SCYL2: variants seen among roughly 807,000 people sequenced by gnomAD.
SCYL2 encodes the protein SCY1 like pseudokinase 2.
In SCYL2, 36 loss-of-function variants were observed where a neutral mutation model predicts 100.4. The ratio of observed to expected loss-of-function variants is 0.36; its 90% CI spans 0.27 to 0.47. The LOEUF (loss-of-function observed/expected upper bound fraction) is 0.47, where lower values mean the gene tolerates loss of function less well. Ranked by LOEUF, SCYL2 falls within the 20% of genes least tolerant of loss-of-function variation. The pLI is 1.00. For missense variants in SCYL2, 902 were observed against 1,083.9 expected (o/e 0.83, Z 2.36); for synonymous variants, 330 against 359.2 (o/e 0.92, Z 0.92).
chr12:100,337,308 T>C (rs879628421), intron 16 of SCYL2, 79 bp from the exon 17 acceptor site: 16 of 1,567,348 alleles, frequency 1.0e-5, no homozygotes, highest in Non-Finnish European at 1.2e-5. Context: ...AGATGTACTT[T>C]ACCCGAAGAG....
intron 4 of SCYL2, among the ~76,000 whole-genome samples, chr12:100,299,489 C>T (rs1371666298): frequency 3.3e-5 from 5 of 152,308 alleles, no homozygotes; most frequent in Admixed American, 2.0e-4. Flanking sequence ...AGAGCTTCCT[C>T]ATACTCCTTG....
At chr12:100,305,788 GAA>G (rs1312657015) in intron 4 of SCYL2, among the ~76,000 whole-genome samples, 1 of 142,362 alleles carries the variant, frequency 7.0e-6, no homozygotes, top group Non-Finnish European at 1.5e-5. Flanking sequence ...AGAAAAGAGA[GAA>G]TAATCAGACA....
Position 100,306,984 on chromosome 12 carries a change from GA to G in SCYL2, c.481-4057del, listed in dbSNP as rs2096335270. 5.3e-5 allele frequency among the ~76,000 whole-genome samples: 8 copies of G among 152,128 alleles called. No homozygotes were observed. In the South Asian group the frequency reaches 1.7e-3, roughly 32 times the overall value. On this transcript the variant is annotated intron_variant, in intron 4 of 17. Transcript: ENST00000360820. ...GGAGAACTACAAACCACTCCTGAAGGAAATAAGAGAGGACACAAACAAATGG... is the reference window on the plus strand; with the variant it reads ...GGAGAACTACAAACCACTCCTGAAGGAATAAGAGAGGACACAAACAAATGG...
intron 2 of SCYL2, 143 bp downstream of exon 2, chr12:100,283,290 T>G (rs1284252937): frequency 3.6e-5 from 23 of 644,412 alleles, no homozygotes; most frequent in East Asian, 2.6e-4. Context: ...TTTATCTTAT[T>G]AAGTCATACA....
chr12:100,300,275 T>C (rs1805053126), intron 4 of SCYL2, among the ~76,000 whole-genome samples: 1 of 152,204 alleles, frequency 6.6e-6, no homozygotes. Flanking sequence ...TTTCTCCCAA[T>C]CTGGCTTATC....
intron 3 of SCYL2, among the ~76,000 whole-genome samples, chr12:100,295,027 G>A (rs1406264069): frequency 4.6e-5 from 7 of 151,262 alleles, no homozygotes; most frequent in African/African-American, 1.7e-4. Flanking sequence ...ACGGGGTCGC[G>A]GCCGGGCAGA....
At chr12:100,332,125 T>A (rs779622566) in intron 13 of SCYL2, among the ~76,000 whole-genome samples, 5 of 152,194 alleles carry the variant, frequency 3.3e-5, no homozygotes, top group African/African-American at 7.2e-5. Flanking sequence ...TAGAGTCTTT[T>A]CCCAGTGAAA....
Position 100,323,508 on chromosome 12 carries a change from G to C in SCYL2, c.1396-17G>C, listed in dbSNP as rs753266613. 2.2e-6 allele frequency: 3 copies of C among 1,395,046 alleles called. No homozygotes were observed. In the South Asian group the frequency reaches 3.6e-5, roughly 17 times the overall value. 86.4% of individuals were successfully genotyped at this position (1,395,046 alleles called of 1,614,324 possible). On this transcript the variant is annotated splice_polypyrimidine_tract_variant and intron_variant, in intron 10 of 17. Coordinates refer to ENST00000360820, the MANE Select transcript of SCYL2 (RefSeq NM_017988.6). ...TGAGTCTTTCCCTAATATTGATTCA[G>C]TTTATTTTCTTTATAGGAGCTCTGT...
At position 100,339,022 on chromosome 12, in the gene SCYL2, A is replaced by G. The variant is rs1457926372; in HGVS notation, c.2640A>G (p.Ser880=). ...PPQGSPTMGS[S]VMGTQMNVIG... ...AAGGTTCTCCAACTATGGGCAGTTC[A>G]GTAATGGGGACACAGATGAACGTGA... Residue 880 remains serine (S), a synonymous_variant, in exon 18 of 18, where the codon TCA becomes TCG. Coordinates refer to ENST00000360820, the MANE Select transcript of SCYL2 (RefSeq NM_017988.6). The G allele has an allele frequency of 2.5e-6, 4 of 1,614,190 alleles. No individual in the cohort carries two copies. The South Asian group carries it at 4.4e-5, about 18-fold the overall frequency.
intron 3 of SCYL2, among the ~76,000 whole-genome samples, chr12:100,294,431 G>A (rs2096315217): frequency 8.6e-6 from 1 of 116,464 alleles, no homozygotes. Flanking sequence ...CGGGCGGGGG[G>A]GCTCCTCACT....
At chr12:100,283,197 C>G (rs1364154633) in intron 2 of SCYL2, 50 bp downstream of exon 2, 3 of 1,444,892 alleles carry the variant, frequency 2.1e-6, no homozygotes. Flanking sequence ...TGCTAAGAAC[C>G]ATAAAATGCA....
intron 13 of SCYL2, among the ~76,000 whole-genome samples, chr12:100,332,181 A>G (rs1216569499): frequency 6.6e-6 from 1 of 152,188 alleles, no homozygotes; most frequent in Non-Finnish European, 1.5e-5. Flanking sequence ...TACATGTGAA[A>G]TGTTGCCAAC....
intron 3 of SCYL2, among the ~76,000 whole-genome samples, chr12:100,294,228 C>T (rs568413095): frequency 1.2e-4 from 18 of 144,654 alleles, no homozygotes; most frequent in African/African-American, 4.6e-4. Context: ...ACCTCCCTCC[C>T]GGATGGGGTG....
chr12:100,278,751 T>G (rs1004574838), intron 1 of SCYL2, among the ~76,000 whole-genome samples: 1 of 151,370 alleles, frequency 6.6e-6, no homozygotes, highest in Admixed American at 6.6e-5. Flanking sequence ...TGCCTCAGCC[T>G]CCTGAGTAGC....
Position 100,312,501 on chromosome 12 carries a change from G to C in SCYL2, c.700G>C (p.Ala234Pro). The part of the protein sequence containing the change: ...SLCLPNPEYL[A>P]PEYILSVSCE... ...GTGTCTTCCAAATCCTGAATATTTGGCTCCTGAATACATACTTTCTGTGAG... is the reference window on the plus strand; with the variant it reads ...GTGTCTTCCAAATCCTGAATATTTGCCTCCTGAATACATACTTTCTGTGAG... The change falls in exon 6 of 18, where the codon GCT (alanine) becomes CCT (proline). Residue 234 changes from alanine to proline, a missense_variant. By Grantham distance (27) the Ala-to-Pro change is conservative. Transcript: ENST00000360820. 2 of 1,613,716 alleles carry C rather than the reference G, an allele frequency of 1.2e-6. No individual in the cohort carries two copies. Among genetic ancestry groups the C allele is most frequent in the Non-Finnish European group, 1.7e-6 (2 of 1,179,902 alleles).
Position 100,315,472 on chromosome 12 carries a change from T to A in SCYL2, c.1096-86T>A, listed in dbSNP as rs923320197. On this transcript the variant is annotated intron_variant, in intron 8 of 17. Coordinates refer to ENST00000360820, the MANE Select transcript of SCYL2 (RefSeq NM_017988.6). ...GTATCGTCACGTTACCTAAAGGGAT[T>A]AGAGGTTTTAGACCTTAGTGTTAAC... 5 of 1,086,812 alleles carry A rather than the reference T, an allele frequency of 4.6e-6. No individual in the cohort carries two copies. In the South Asian group the frequency reaches 8.1e-5, roughly 18 times the overall value. 67.3% of individuals were successfully genotyped at this position (1,086,812 alleles called of 1,614,324 possible).
chr12:100,297,085 T>C (rs2096321734), intron 3 of SCYL2, among the ~76,000 whole-genome samples: 1 of 152,196 alleles, frequency 6.6e-6, no homozygotes, highest in Non-Finnish European at 1.5e-5. Flanking sequence ...TGTACTACTT[T>C]GTAGTTCTTC....
Position 100,286,520 on chromosome 12 carries a change from G to C in SCYL2, c.177+3373G>C, listed in dbSNP as rs1015821511. On this transcript the variant is annotated intron_variant, in intron 2 of 17. Transcript: ENST00000360820. ...TTTGTGTTAGTTGGCTTTAAAAGTT[G>C]TATTTGTTGACCTGATAGTTTTGCC... is the stretch of plus-strand genomic sequence containing the variant. Among the ~76,000 whole-genome samples, 4 of 151,952 alleles carry C rather than the reference G, an allele frequency of 2.6e-5. No individual in the cohort carries two copies. In the East Asian group the frequency reaches 7.7e-4, roughly 29 times the overall value.
At chr12:100,330,987 C>G (rs147855660) in intron 13 of SCYL2, among the ~76,000 whole-genome samples, 111 of 151,986 alleles carry the variant, frequency 7.3e-4, no homozygotes, top group African/African-American at 2.4e-3. Flanking sequence ...AGGCACCATG[C>G]CTGGCTAATT....
Sources: allele counts gnomAD v4.1 joint callset (sites outside exome capture counted in the v4.1 genomes callset), GRCh38; gene constraint gnomAD v4.1.1; transcripts MANE v1.5; gene names NCBI Gene and HGNC (gene_info 2026-07-23, HGNC 2026-07-21).